The following GLIS3 variants were observed in gnomAD, a reference collection of about 807,000 sequenced individuals.
The protein encoded by GLIS3 is GLIS family zinc finger 3, also known as zinc finger protein GLIS3.
GLIS3 carries 53 observed loss-of-function variants against 78.6 expected under a neutral mutation model. That is an observed-to-expected ratio of 0.67 (90% CI 0.54 to 0.85). The LOEUF (loss-of-function observed/expected upper bound fraction) is 0.85, where lower values mean the gene tolerates loss of function less well. Among genes scored for constraint, GLIS3 ranks in the 40% least tolerant of loss-of-function variants. GLIS3 has a pLI of 0.00. For synonymous variants in GLIS3, 684 were observed against 509.9 expected (o/e 1.34, Z -4.60); for missense variants, 1,703 against 1,231.1 (o/e 1.38, Z -5.74).
chr9:4,465,376 C>T, the GLIS3 span, among the ~76,000 whole-genome samples: 1 of 152,150 alleles, frequency 6.6e-6, no homozygotes, highest in Non-Finnish European at 1.5e-5. Context: ...GGTGAAACCA[C>T]ATCTCTATTA....
In GLIS3 at chr9:4,322,999, T is replaced by C. The variant is rs142347726; in HGVS notation, n.265-12471A>G. ...GAAGTCCTTGCCCATGCCTATGTCC[T>C]GAATGGTATTGCCTAGGTTTTCTTC... On this transcript the variant is annotated intron_variant and non_coding_transcript_variant, in intron 2 of 4. Transcript: ENST00000471664. 3.8e-3 allele frequency among the ~76,000 whole-genome samples: 574 copies of C among 152,342 alleles called. 6 individuals are homozygous for C. The highest frequency in any genetic ancestry group is 0.013 in the African/African-American group (556 of 41,564).
At chr9:3,972,819 G>A (rs370931644) in intron 4 of GLIS3, among the ~76,000 whole-genome samples, 6 of 152,184 alleles carry the variant, frequency 3.9e-5, no homozygotes, top group Non-Finnish European at 5.9e-5. Flanking sequence ...GAGAGACTTC[G>A]CTTATAGAAA....
rs191832248 is a variant in GLIS3, at chr9:4,249,803, A to G, written c.388+36235T>C. Among the ~76,000 whole-genome samples the G allele has an allele frequency of 2.6e-5, 4 of 152,324 alleles. No homozygotes were observed. In the East Asian group the frequency reaches 5.8e-4, roughly 22 times the overall value. On this transcript the variant is annotated intron_variant, in intron 2 of 10. Coordinates refer to ENST00000381971, the MANE Select transcript of GLIS3 (RefSeq NM_001042413.2). ...TTTGAGATACATTTCATCGATACCT[A>G]GCTTATTGAGAGTTTTTAGCATGAA... is the stretch of plus-strand genomic sequence containing the variant.
chr9:4,099,850 C>G (rs900619145), intron 4 of GLIS3, among the ~76,000 whole-genome samples: 1 of 152,224 alleles, frequency 6.6e-6, no homozygotes, highest in African/African-American at 2.4e-5. Context: ...TTTGTTTTCA[C>G]CTTCAAATTC....
At chr9:4,395,249 T>C in the GLIS3 span, among the ~76,000 whole-genome samples, 1 of 152,232 alleles carries the variant, frequency 6.6e-6, no homozygotes, top group South Asian at 2.1e-4. Flanking sequence ...ATTTTACAAG[T>C]ATAATATAAA....
chr9:4,389,234 T>C, the GLIS3 span, among the ~76,000 whole-genome samples: 3 of 152,204 alleles, frequency 2.0e-5, no homozygotes, highest in Admixed American at 6.5e-5. Flanking sequence ...AGGATAGAGA[T>C]GAGATTCAAC....
At chr9:4,438,224 G>A in the GLIS3 span, among the ~76,000 whole-genome samples, 2 of 152,158 alleles carry the variant, frequency 1.3e-5, no homozygotes, top group Admixed American at 1.3e-4. Context: ...TAATAATGAG[G>A]CTAAAGTAAT....
chr9:3,911,665 G>C (rs1159627680), intron 6 of GLIS3, among the ~76,000 whole-genome samples: 1 of 152,106 alleles, frequency 6.6e-6, no homozygotes, highest in Non-Finnish European at 1.5e-5. Flanking sequence ...TGAAATATTA[G>C]ACAACTGTGA....
chr9:4,119,831 T>G (rs1047288533), intron 3 of GLIS3, among the ~76,000 whole-genome samples: 1 of 152,256 alleles, frequency 6.6e-6, no homozygotes, highest in African/African-American at 2.4e-5. Flanking sequence ...AAATTCATTT[T>G]GCTTTACTGT....
chr9:4,074,424 G>A (rs1019828031), intron 4 of GLIS3, among the ~76,000 whole-genome samples: 1 of 152,034 alleles, frequency 6.6e-6, no homozygotes, highest in Admixed American at 6.6e-5. Flanking sequence ...GTAATTTATG[G>A]AAGGCTGATG....
chr9:4,113,161 GATAT>G (rs775354702), intron 4 of GLIS3, among the ~76,000 whole-genome samples: 2 of 151,762 alleles, frequency 1.3e-5, no homozygotes, highest in Admixed American at 6.6e-5. Flanking sequence ...CATGTTAATA[GATAT>G]ATATGTAATA....
At chr9:4,107,691 G>T (rs1312740499) in intron 4 of GLIS3, among the ~76,000 whole-genome samples, 2 of 150,826 alleles carry the variant, frequency 1.3e-5, no homozygotes, top group Non-Finnish European at 2.9e-5. Flanking sequence ...AGTGATCTCA[G>T]AGACAATCCA....
At chr9:4,187,843 T>C (rs541260900) in intron 2 of GLIS3, among the ~76,000 whole-genome samples, 13 of 152,272 alleles carry the variant, frequency 8.5e-5, no homozygotes, top group East Asian at 5.8e-4. Flanking sequence ...TGCACATTGA[T>C]TTTGTATCCT....
chr9:4,042,696 A>G (rs1005962654), intron 4 of GLIS3, among the ~76,000 whole-genome samples: 7 of 152,230 alleles, frequency 4.6e-5, no homozygotes, highest in Admixed American at 1.3e-4. Flanking sequence ...AGCTGCCACT[A>G]TAACAAAACA....
chr9:4,064,244 A>T lies in GLIS3; in HGVS notation c.1710+53524T>A, dbSNP rs1826899685. Among the ~76,000 whole-genome samples the T allele has an allele frequency of 2.6e-5, 4 of 152,328 alleles. No homozygotes were observed. In the South Asian group the frequency reaches 8.3e-4, roughly 32 times the overall value. On this transcript the variant is annotated intron_variant, in intron 4 of 10. Coordinates refer to ENST00000381971, the MANE Select transcript of GLIS3 (RefSeq NM_001042413.2). ...TATACAGTACATAAAAATAAATTCT[A>T]CAAGGAATAAAGATAGGTGAAGAAA...
chr9:3,921,741 G>C (rs923071492), intron 6 of GLIS3, among the ~76,000 whole-genome samples: 3 of 151,928 alleles, frequency 2.0e-5, no homozygotes, highest in Non-Finnish European at 4.4e-5. Context: ...CAATTAACTA[G>C]TTAATATCTG....
At chr9:3,846,330 G>A (rs1274608701) in intron 9 of GLIS3, among the ~76,000 whole-genome samples, 1 of 152,170 alleles carries the variant, frequency 6.6e-6, no homozygotes, top group African/African-American at 2.4e-5. Flanking sequence ...AACCACCTCT[G>A]ATACTCACTA....
the GLIS3 span, among the ~76,000 whole-genome samples, chr9:4,411,896 C>G: frequency 6.6e-6 from 1 of 152,192 alleles, no homozygotes; most frequent in Non-Finnish European, 1.5e-5. Context: ...GTTAAAAATA[C>G]CATTTAACAT....
chr9:3,993,953 C>T (rs2129820809), intron 4 of GLIS3, among the ~76,000 whole-genome samples: 1 of 152,286 alleles, frequency 6.6e-6, no homozygotes, highest in East Asian at 1.9e-4. Flanking sequence ...ACCCAGGCTT[C>T]CCAGGAGCAG....
Sources: allele counts gnomAD v4.1 joint callset (sites outside exome capture counted in the v4.1 genomes callset), GRCh38; gene constraint gnomAD v4.1.1; transcripts MANE v1.5; gene names NCBI Gene and HGNC (gene_info 2026-07-23, HGNC 2026-07-21).